TAS1R1: variants seen among roughly 807,000 people sequenced by gnomAD.
TAS1R1 encodes the protein taste receptor type 1 member 1.
A neutral mutation model predicts 45.8 loss-of-function variants in TAS1R1; 31 were observed. That is an observed-to-expected ratio of 0.68 (90% CI 0.51 to 0.91). The LOEUF is 0.91. TAS1R1 is among the 40% of genes least tolerant of loss of function. The pLI, the probability that TAS1R1 is intolerant of heterozygous loss-of-function variation, is 0.00. For synonymous variants in TAS1R1, 437 were observed against 448.4 expected (o/e 0.97, Z 0.32); for missense variants, 1,051 against 1,063.9 (o/e 0.99, Z 0.17).
rs1557812524 is a variant in TAS1R1 at position 6,578,716 on chromosome 1, T to C, written c.1658T>C (p.Phe553Ser). The change falls in exon 6 of 6, where the codon TTC (phenylalanine) becomes TCC (serine). Residue 553 changes from phenylalanine (F) to serine (S), a missense_variant. Coordinates refer to ENST00000333172, the MANE Select transcript of TAS1R1 (RefSeq NM_138697.4). ...GCACCTGAGGGAAGCCAGACCTGCT[T>C]CCCGCGCACTGTGGTGTTTTTGGCT... ...EWAPEGSQTCFPRTVVFLALR... is the reference protein window; with the variant it reads ...EWAPEGSQTCSPRTVVFLALR... 6.2e-7 allele frequency: 1 copy of C among 1,611,028 alleles called. No individual in the cohort carries two copies.
At chr1:6,563,874 T>C (rs1639830379) in intron 1 of TAS1R1, among the ~76,000 whole-genome samples, 1 of 151,972 alleles carries the variant, frequency 6.6e-6, no homozygotes, top group Non-Finnish European at 1.5e-5. Context: ...AGAGTGGGAA[T>C]TTGGGGCTGA....
At chr1:6,558,382 G>T (rs1639723620) in intron 1 of TAS1R1, among the ~76,000 whole-genome samples, 1 of 152,054 alleles carries the variant, frequency 6.6e-6, no homozygotes, top group Non-Finnish European at 1.5e-5. Context: ...CTAGAGTTGT[G>T]TAGTCAAACA....
chr1:6,569,802 A>G (rs1018454225), intron 1 of TAS1R1, among the ~76,000 whole-genome samples: 7 of 152,138 alleles, frequency 4.6e-5, no homozygotes, highest in African/African-American at 1.4e-4. Flanking sequence ...TCTTTCGGGA[A>G]TTCAGAGACG....
chr1:6,561,883 G>A (rs1557802114), intron 1 of TAS1R1, among the ~76,000 whole-genome samples: 1 of 152,254 alleles, frequency 6.6e-6, no homozygotes, highest in Non-Finnish European at 1.5e-5. Flanking sequence ...AGGTCCAGTG[G>A]AGTTGAAGGA....
At chr1:6,576,852 G>C in intron 4 of TAS1R1, 98 bp from the exon 5 acceptor site, 6 of 1,579,608 alleles carry the variant, frequency 3.8e-6, no homozygotes, top group Non-Finnish European at 3.5e-6. Flanking sequence ...CTGGGAGTGA[G>C]CCCTGAGGGC....
intron 1 of TAS1R1, among the ~76,000 whole-genome samples, chr1:6,566,096 AGAG>A (rs1430330804): frequency 6.6e-6 from 1 of 152,198 alleles, no homozygotes; most frequent in Non-Finnish European, 1.5e-5. Flanking sequence ...GAAGGACTAC[AGAG>A]GAGGAGGTCA....
At chr1:6,560,266 C>T (rs922554664) in intron 1 of TAS1R1, among the ~76,000 whole-genome samples, 3 of 152,184 alleles carry the variant, frequency 2.0e-5, no homozygotes, top group African/African-American at 7.2e-5. Flanking sequence ...TGTTGTACTC[C>T]AGCCTGGGCA....
intron 1 of TAS1R1, among the ~76,000 whole-genome samples, chr1:6,568,337 C>T (rs1439597205): frequency 9.2e-5 from 14 of 151,982 alleles, no homozygotes; most frequent in Middle Eastern, 6.8e-3. Flanking sequence ...TGCCTGTAGT[C>T]CCAGCTACTC....
intron 1 of TAS1R1, among the ~76,000 whole-genome samples, chr1:6,563,486 T>C (rs1248489779): frequency 2.0e-5 from 3 of 152,220 alleles, no homozygotes; most frequent in African/African-American, 7.2e-5. Flanking sequence ...ATTTAGCCAA[T>C]GACTGCATGT....
Position 6,571,111 on chromosome 1 carries a change from G to A in TAS1R1, c.394G>A (p.Asp132Asn), listed in dbSNP as rs1346308659. The change falls in exon 2 of 6, where the codon GAC becomes AAC. Residue 132 changes from aspartate to asparagine, a missense_variant. Physicochemically the swap from Asp to Asn is conservative, Grantham distance 23. Transcript: ENST00000333172. ...PGQHHIELQG[D>N]LLHYSPTVLA... ...GCAACACCACATAGAGCTCCAAGGA[G>A]ACCTTCTCCACTATTCCCCTACGGT... 1.2e-6 allele frequency: 2 copies of A among 1,614,008 alleles called. No homozygotes were observed. Among genetic ancestry groups the A allele is most frequent in the East Asian group, 4.5e-5 (2 of 44,878 alleles).
At position 6,574,622 on chromosome 1, in the gene TAS1R1, C is replaced by A; in HGVS notation, c.499-9C>A. On this transcript the variant is annotated splice_polypyrimidine_tract_variant and intron_variant, in intron 2 of 5. Transcript: ENST00000333172. The surrounding 1 kb of genome is among the most constrained non-coding windows in gnomAD (Gnocchi z 4.3). ...GGAGACTGAAATGGCTGAACGGGACCTCCCATAGATTAGCTATGCGGCCAG... is the reference window on the plus strand; with the variant it reads ...GGAGACTGAAATGGCTGAACGGGACATCCCATAGATTAGCTATGCGGCCAG... The A allele has an allele frequency of 6.3e-7, 1 of 1,585,918 alleles. No individual in the cohort carries two copies. The highest frequency in any genetic ancestry group is 1.2e-5 in the South Asian group (1 of 85,732).
chr1:6,568,461 G>GAA (rs577853147), intron 1 of TAS1R1, among the ~76,000 whole-genome samples: 37 of 106,364 alleles, frequency 3.5e-4, no homozygotes, highest in African/African-American at 7.0e-4. Context: ...TCTCAAAAAA[G>GAA]AAAAAAAAAA....
chr1:6,574,644 C>G lies in TAS1R1; in HGVS notation c.512C>G (p.Ala171Gly), dbSNP rs756722151. The G allele has an allele frequency of 1.2e-6, 2 of 1,604,582 alleles. No individual in the cohort carries two copies. The highest frequency in any genetic ancestry group is 2.2e-5 in the South Asian group (2 of 89,678). Reference protein sequence around the residue: ...PFLVPMISYAASSETLSVKRQ... With the variant: ...PFLVPMISYAGSSETLSVKRQ... ...GACCTCCCATAGATTAGCTATGCGG[C>G]CAGCAGCGAGACGCTCAGCGTGAAG... is the stretch of plus-strand genomic sequence containing the variant. Residue 171 changes from alanine to glycine, a missense_variant, in exon 3 of 6, where the codon GCC becomes GGC. Ala to Gly is a moderately conservative substitution (Grantham distance 60, BLOSUM62 0). Coordinates refer to ENST00000333172, the MANE Select transcript of TAS1R1 (RefSeq NM_138697.4). This position sits in a 1 kb window ranked among gnomAD's most constrained non-coding sequence, Gnocchi z 4.3.
rs1316949815 is a variant in TAS1R1 at position 6,571,219 on chromosome 1, A to G, written c.498+4A>G. 4 of 1,555,322 alleles carry G rather than the reference A, an allele frequency of 2.6e-6. No homozygotes were observed. The highest frequency in any genetic ancestry group is 2.6e-6 in the Non-Finnish European group (3 of 1,150,900). On this transcript the variant is annotated splice_donor_region_variant and intron_variant, in intron 2 of 5. Transcript: ENST00000333172. ...GAGCCCTTTCCTGGTGCCCATGGTA[A>G]GCTGGAGCCTCAGACCTTTGCCCAT...
rs762151581 is a variant in TAS1R1, at chr1:6,576,631, A to C, written c.1473+4A>C. 6 of 1,612,322 alleles carry C rather than the reference A, an allele frequency of 3.7e-6. No homozygotes were observed. The highest frequency in any genetic ancestry group is 3.4e-6 in the Non-Finnish European group (4 of 1,178,954). On this transcript the variant is annotated splice_donor_region_variant and intron_variant, in intron 4 of 5. Transcript: ENST00000333172. ...GTGGCACGGAAAGGACAACCAGGTA[A>C]TGGGGATGTGGCTACTCACCATGTA...
intron 5 of TAS1R1, 85 bp downstream of exon 5, chr1:6,577,155 C>A (rs2148676974): frequency 6.4e-7 from 1 of 1,570,336 alleles, no homozygotes; most frequent in South Asian, 1.2e-5. Context: ...GCCCCATGTG[C>A]CCTGCCCCAG....
chr1:6,569,496 T>G (rs1487021586), intron 1 of TAS1R1, among the ~76,000 whole-genome samples: 2 of 152,050 alleles, frequency 1.3e-5, no homozygotes, highest in East Asian at 3.9e-4. Flanking sequence ...AGTATTACAG[T>G]AGAAAAGCAG....
intron 1 of TAS1R1, among the ~76,000 whole-genome samples, chr1:6,567,647 T>C (rs1161502945): frequency 6.6e-6 from 1 of 151,882 alleles, no homozygotes; most frequent in African/African-American, 2.4e-5. Context: ...AGTTTGGCAG[T>C]TGGGGCCTGG....
chr1:6,576,674 C>G, intron 4 of TAS1R1, 47 bp downstream of exon 4: 1 of 1,599,938 alleles, frequency 6.3e-7, no homozygotes, highest in East Asian at 2.2e-5. Flanking sequence ...TATGGGCAAC[C>G]TAGAGCCTGG....
Sources: gnomAD v4.1 joint callset for allele counts (sites outside exome capture counted in the v4.1 genomes callset) on GRCh38, gnomAD v4.1.1 for gene constraint, Gnocchi (gnomAD v3.1) non-coding constraint, MANE v1.5 for transcripts, NCBI Gene and HGNC (gene_info 2026-07-23, HGNC 2026-07-21) for gene names.